TDRD5: variants seen among roughly 807,000 people sequenced by gnomAD.
TDRD5 encodes the protein tudor domain containing 5.
A neutral mutation model predicts 120.6 loss-of-function variants in TDRD5; 41 were observed. The ratio of observed to expected loss-of-function variants is 0.34; its 90% CI spans 0.26 to 0.44. The LOEUF (loss-of-function observed/expected upper bound fraction) is 0.44, where lower values mean the gene tolerates loss of function less well. Ranked by LOEUF, TDRD5 falls within the 20% of genes least tolerant of loss-of-function variation. The pLI, the probability that TDRD5 is intolerant of heterozygous loss-of-function variation, is 1.00. For missense variants in TDRD5, 1,006 were observed against 1,221.2 expected, an observed-to-expected ratio of 0.82 and a Z score of 2.63; for synonymous variants, 430 against 433.7, an observed-to-expected ratio of 0.99 and a Z score of 0.11.
intron 11 of TDRD5, among the ~76,000 whole-genome samples, chr1:179,644,524 T>C (rs1426330663): frequency 1.3e-5 from 2 of 152,164 alleles, no homozygotes; most frequent in Admixed American, 6.5e-5. Context: ...TTAATCTTAA[T>C]ATTTTGTTTC....
At chr1:179,625,568 T>C (rs12044010) in intron 6 of TDRD5, among the ~76,000 whole-genome samples, 5,773 of 152,272 alleles carry the variant, frequency 0.038, 173 homozygotes, top group East Asian at 0.11. Flanking sequence ...TTGGTGCAAG[T>C]ATAAAATGGT....
chr1:179,640,234 A>G (rs1010297649), intron 10 of TDRD5, 145 bp from the exon 11 acceptor site: 114 of 1,061,150 alleles, frequency 1.1e-4, no homozygotes, highest in Non-Finnish European at 2.0e-5. Flanking sequence ...CTCTTGTGTT[A>G]TCTTTTACAT....
At chr1:179,690,119 C>T (rs563596387) in intron 17 of TDRD5, among the ~76,000 whole-genome samples, 3 of 152,228 alleles carry the variant, frequency 2.0e-5, no homozygotes, top group Non-Finnish European at 4.4e-5. Context: ...GTTGGAAATG[C>T]AGAAATCACC....
intron 13 of TDRD5, among the ~76,000 whole-genome samples, chr1:179,652,807 G>A (rs1165329092): frequency 1.3e-5 from 2 of 152,184 alleles, no homozygotes; most frequent in East Asian, 1.9e-4. Flanking sequence ...GATATCACAA[G>A]TGGAAAGTTC....
chr1:179,648,550 T>A (rs1186057388), intron 11 of TDRD5, among the ~76,000 whole-genome samples: 3 of 147,374 alleles, frequency 2.0e-5, no homozygotes, highest in East Asian at 2.0e-4. Context: ...CATATGTAAC[T>A]AACCTGCACA....
At chr1:179,600,105 A>G (rs1022509728) in intron 4 of TDRD5, among the ~76,000 whole-genome samples, 2 of 152,136 alleles carry the variant, frequency 1.3e-5, no homozygotes, top group Admixed American at 1.3e-4. Flanking sequence ...AGGTGATGAC[A>G]GCTCCATGCA....
chr1:179,666,242 A>G (rs936592319), intron 16 of TDRD5, among the ~76,000 whole-genome samples: 7 of 152,228 alleles, frequency 4.6e-5, no homozygotes. Flanking sequence ...ACATGAGAAC[A>G]TGATACACAT....
chr1:179,687,083 A>G (rs1680763605), intron 17 of TDRD5, among the ~76,000 whole-genome samples: 1 of 152,074 alleles, frequency 6.6e-6, no homozygotes, highest in Non-Finnish European at 1.5e-5. Flanking sequence ...GTCTCCTGCT[A>G]GCTTTTGAAT....
chr1:179,595,554 G>C (rs1022708231), intron 3 of TDRD5, 74 bp from the exon 4 acceptor site: 2 of 1,353,962 alleles, frequency 1.5e-6, no homozygotes, highest in Admixed American at 4.8e-5. Context: ...AGTAGCCTCT[G>C]TATGTAGCCA....
At chr1:179,645,612 G>A (rs918339104) in intron 11 of TDRD5, among the ~76,000 whole-genome samples, 2 of 152,122 alleles carry the variant, frequency 1.3e-5, no homozygotes, top group African/African-American at 2.4e-5. Context: ...CAACTTTATT[G>A]TGTGAAACTC....
At chr1:179,675,280 T>A (rs796521029) in intron 17 of TDRD5, among the ~76,000 whole-genome samples, 684 of 62,982 alleles carry the variant, frequency 0.011, 7 homozygotes, top group East Asian at 0.019. Context: ...ATTATTTTTT[T>A]TTTTTTTTTT....
chr1:179,614,315 T>G (rs527950869), intron 4 of TDRD5, among the ~76,000 whole-genome samples: 1 of 152,316 alleles, frequency 6.6e-6, no homozygotes, highest in African/African-American at 2.4e-5. Flanking sequence ...GGTATCAATG[T>G]GCCATGATTT....
chr1:179,618,537 C>CTA (rs1676675713), intron 4 of TDRD5, 62 bp from the exon 5 acceptor site: 1 of 1,271,448 alleles, frequency 7.9e-7, no homozygotes, highest in East Asian at 2.4e-5. Context: ...TTGCTTAGAT[C>CTA]TACCTTTGAC....
At chr1:179,683,779 G>A (rs1028744225) in intron 17 of TDRD5, among the ~76,000 whole-genome samples, 23 of 152,172 alleles carry the variant, frequency 1.5e-4, no homozygotes, top group African/African-American at 4.8e-4. Context: ...AAGCAGCTAC[G>A]TTGCTGAACA....
At chr1:179,596,570 A>G (rs1182551070) in intron 4 of TDRD5, among the ~76,000 whole-genome samples, 46 of 152,228 alleles carry the variant, frequency 3.0e-4, no homozygotes, top group Non-Finnish European at 5.9e-5. Context: ...GAATCAAACA[A>G]TATCTAATCT....
intron 10 of TDRD5, 102 bp downstream of exon 10, chr1:179,640,153 C>A: frequency 7.8e-7 from 1 of 1,279,436 alleles, no homozygotes; most frequent in Non-Finnish European, 1.1e-6. Context: ...CTTCCTCCCT[C>A]CAATCCTTCC....
intron 4 of TDRD5, among the ~76,000 whole-genome samples, chr1:179,602,583 T>A (rs1212459204): frequency 6.6e-6 from 1 of 152,192 alleles, no homozygotes; most frequent in East Asian, 1.9e-4. Context: ...CCAGTTTCAT[T>A]CTCCTACATG....
chr1:179,603,327 G>T (rs1231442691), intron 4 of TDRD5, among the ~76,000 whole-genome samples: 2 of 152,242 alleles, frequency 1.3e-5, no homozygotes, highest in Non-Finnish European at 1.5e-5. Context: ...AGCAAACAAT[G>T]ACAATTTGAC....
chr1:179,665,643 T>C (rs1307734789), intron 16 of TDRD5, among the ~76,000 whole-genome samples: 1 of 152,192 alleles, frequency 6.6e-6, no homozygotes. Flanking sequence ...AGCTATTTAA[T>C]AAGTTTTGAA....
Sources: gnomAD v4.1 joint callset for allele counts (sites outside exome capture counted in the v4.1 genomes callset) on GRCh38, gnomAD v4.1.1 for gene constraint, MANE v1.5 for transcripts, NCBI Gene and HGNC (gene_info 2026-07-23, HGNC 2026-07-21) for gene names.